The following PLXNA4 variants were observed in gnomAD, a reference collection of about 807,000 sequenced individuals.
PLXNA4 encodes the protein plexin-A4.
In PLXNA4, 44 loss-of-function variants were observed where a neutral mutation model predicts 191.8. The observed-to-expected ratio is 0.23, with a 90% CI of 0.18 to 0.29. The LOEUF (loss-of-function observed/expected upper bound fraction) is 0.29. PLXNA4 is among the 10% of genes least tolerant of loss of function. PLXNA4 has a pLI of 1.00. For missense variants in PLXNA4, 1,800 were observed against 2,488.8 expected, an observed-to-expected ratio of 0.72 and a Z score of 5.89; for synonymous variants, 1,082 against 1,009.5, an observed-to-expected ratio of 1.07 and a Z score of -1.36.
rs571324278 is a variant in PLXNA4, at chr7:132,638,764, T to A, written c.-87+7164A>T. 2.8e-3 allele frequency among the ~76,000 whole-genome samples: 427 copies of A among 152,136 alleles called. 2 individuals carry two copies. Among genetic ancestry groups the A allele is most frequent in the African/African-American group, 9.4e-3 (391 of 41,506 alleles). ...ACCCTGATCACATGAAATAAAAATA[T>A]ATATATATATTAATGGTAAGGAAGC... On this transcript the variant is annotated intron_variant, in intron 2 of 4. Coordinates refer to the PLXNA4 transcript ENST00000378539.
chr7:132,300,334 T>C, intron 3 of PLXNA4, among the ~76,000 whole-genome samples: 1 of 152,206 alleles, frequency 6.6e-6, no homozygotes, highest in South Asian at 2.1e-4. Context: ...GGCAGGGAGC[T>C]GAGGTCAGGG....
intron 2 of PLXNA4, among the ~76,000 whole-genome samples, chr7:132,609,635 T>C (rs1803008020): frequency 1.3e-5 from 2 of 152,218 alleles, no homozygotes; most frequent in Admixed American, 6.5e-5. Context: ...TAATAGATAT[T>C]ATTATCCTCA....
chr7:132,629,678 A>T (rs968917668), intron 2 of PLXNA4, among the ~76,000 whole-genome samples: 4 of 152,192 alleles, frequency 2.6e-5, no homozygotes, highest in Admixed American at 2.6e-4. Context: ...GGTTTAAACA[A>T]CAGAAATTTA....
chr7:132,366,449 A>G (rs1042587826), intron 3 of PLXNA4, among the ~76,000 whole-genome samples: 2 of 152,076 alleles, frequency 1.3e-5, no homozygotes, highest in African/African-American at 2.4e-5. Context: ...GCTTGAACTC[A>G]GGATGCGGAG....
Position 132,637,030 on chromosome 7 carries a change from T to C in PLXNA4, c.-87+8898A>G, listed in dbSNP as rs1803622777. Among the ~76,000 whole-genome samples, 4 of 152,154 alleles carry C rather than the reference T, an allele frequency of 2.6e-5. No homozygotes were observed. The South Asian group carries it at 8.3e-4, about 32-fold the overall frequency. On this transcript the variant is annotated intron_variant, in intron 2 of 4. Transcript: ENST00000378539. ...TATTGTTTGACGCTGAAACAGTGCT[T>C]TGTAGAAATGCTTGGAATGACAAGG...
intron 2 of PLXNA4, among the ~76,000 whole-genome samples, chr7:132,637,903 C>T (rs1803640454): frequency 6.6e-6 from 1 of 152,188 alleles, no homozygotes. Flanking sequence ...TCTTTCTCCC[C>T]ACTATAAAGT....
chr7:132,587,724 G>A (rs914948768), intron 2 of PLXNA4, among the ~76,000 whole-genome samples: 1 of 151,908 alleles, frequency 6.6e-6, no homozygotes. Context: ...GGCCAAGGGT[G>A]GGACGAAGGG....
intron 3 of PLXNA4, among the ~76,000 whole-genome samples, chr7:132,471,407 G>T (rs1334927347): frequency 6.6e-6 from 1 of 152,152 alleles, no homozygotes; most frequent in Non-Finnish European, 1.5e-5. Flanking sequence ...ACAGCATTAG[G>T]AATGGAATAC....
intron 10 of PLXNA4, among the ~76,000 whole-genome samples, chr7:132,209,051 C>A (rs1042086411): frequency 6.6e-6 from 1 of 152,242 alleles, no homozygotes; most frequent in African/African-American, 2.4e-5. Context: ...AGGGTCCCAG[C>A]GAGCTTCTTG....
chr7:132,643,510 C>G (rs1378709514), intron 2 of PLXNA4, among the ~76,000 whole-genome samples: 2 of 150,474 alleles, frequency 1.3e-5, no homozygotes, highest in Admixed American at 6.6e-5. Context: ...CCTAGAAATT[C>G]CAGCCCAGTC....
At chr7:132,371,448 G>A (rs1804435598) in intron 3 of PLXNA4, among the ~76,000 whole-genome samples, 1 of 152,132 alleles carries the variant, frequency 6.6e-6, no homozygotes. Flanking sequence ...TCTTGTGAGA[G>A]TTTCCTGCCA....
chr7:132,569,516 C>A (rs1801879990), intron 1 of PLXNA4, among the ~76,000 whole-genome samples: 1 of 152,242 alleles, frequency 6.6e-6, no homozygotes, highest in Non-Finnish European at 1.5e-5. Flanking sequence ...TAAAATTTCA[C>A]TGGAGCAAAG....
At chr7:132,500,402 C>T (rs1032401179) in intron 2 of PLXNA4, among the ~76,000 whole-genome samples, 4 of 151,698 alleles carry the variant, frequency 2.6e-5, no homozygotes, top group Non-Finnish European at 5.9e-5. Context: ...AAGATCGCGC[C>T]ATTGCACTCC....
At chr7:132,540,336 C>T (rs1218612434) in intron 1 of PLXNA4, among the ~76,000 whole-genome samples, 3 of 152,166 alleles carry the variant, frequency 2.0e-5, no homozygotes, top group Admixed American at 2.0e-4. Context: ...TCACTCTAGA[C>T]ATTTCATTGT....
At chr7:132,478,110 ACACTAGCTCT>A (rs1296847017) in intron 3 of PLXNA4, among the ~76,000 whole-genome samples, 1 of 152,158 alleles carries the variant, frequency 6.6e-6, no homozygotes. Context: ...CCCAGCTGCC[ACACTAGCTCT>A]ACTTAAGGTC....
chr7:132,430,655 T>G (rs1585124516), intron 3 of PLXNA4, among the ~76,000 whole-genome samples: 3 of 152,208 alleles, frequency 2.0e-5, no homozygotes, highest in African/African-American at 7.2e-5. Flanking sequence ...TTCATGCCTC[T>G]TGAGGAGTAA....
At chr7:132,474,836 A>G (rs1185006048) in intron 3 of PLXNA4, among the ~76,000 whole-genome samples, 1 of 152,158 alleles carries the variant, frequency 6.6e-6, no homozygotes, top group Non-Finnish European at 1.5e-5. Context: ...AAACACAGAA[A>G]GTCTTATGGA....
intron 22 of PLXNA4, among the ~76,000 whole-genome samples, chr7:132,167,636 A>G (rs1304289519): frequency 6.6e-6 from 1 of 152,132 alleles, no homozygotes; most frequent in Non-Finnish European, 1.5e-5. Flanking sequence ...CAGGGCTTAA[A>G]GGATCCTCCT....
intron 3 of PLXNA4, among the ~76,000 whole-genome samples, chr7:132,332,467 A>G (rs1233567143): frequency 6.6e-6 from 1 of 152,136 alleles, no homozygotes; most frequent in Non-Finnish European, 1.5e-5. Flanking sequence ...AGCCAGTGGG[A>G]AGGGCGGGAA....
Sources: gnomAD v4.1 joint callset for allele counts (sites outside exome capture counted in the v4.1 genomes callset) on GRCh38, gnomAD v4.1.1 for gene constraint, MANE v1.5 for transcripts, NCBI Gene and HGNC (gene_info 2026-07-23, HGNC 2026-07-21) for gene names.